The following SEMA3D variants were observed in gnomAD, a reference collection of about 807,000 sequenced individuals.
SEMA3D encodes the protein semaphorin 3D.
A neutral mutation model predicts 100.1 loss-of-function variants in SEMA3D; 84 were observed. That is an observed-to-expected ratio of 0.84 (90% CI 0.70 to 1.01). The LOEUF (loss-of-function observed/expected upper bound fraction) is 1.01. SEMA3D is among the 50% of genes least tolerant of loss of function. The pLI is 0.00. For missense variants in SEMA3D, 875 were observed against 934.1 expected (o/e 0.94, Z 0.82); for synonymous variants, 312 against 320.7 (o/e 0.97, Z 0.29).
intron 12 of SEMA3D, chr7:85,028,314 C>T (rs1404149956): frequency 3.0e-6 from 2 of 672,542 alleles, no homozygotes; most frequent in Non-Finnish European, 2.7e-6. Flanking sequence ...GATGCTGGAA[C>T]TATTGCTGGT....
intron 1 of SEMA3D, among the ~76,000 whole-genome samples, chr7:85,156,531 G>GA (rs1752527386): frequency 1.3e-5 from 2 of 152,086 alleles, no homozygotes; most frequent in Admixed American, 1.3e-4. Flanking sequence ...TCACATTTCA[G>GA]AAAAATAATA....
intron 2 of SEMA3D, among the ~76,000 whole-genome samples, chr7:85,136,584 T>C (rs1342557244): frequency 2.0e-5 from 3 of 152,146 alleles, no homozygotes; most frequent in Non-Finnish European, 4.4e-5. Context: ...AACAATTGAA[T>C]TATACAATTG....
chr7:85,179,214 T>G (rs1325537806), intron 1 of SEMA3D, among the ~76,000 whole-genome samples: 1 of 152,064 alleles, frequency 6.6e-6, no homozygotes, highest in Non-Finnish European at 1.5e-5. Context: ...GGGCACTGCA[T>G]AGTGGAGCTG....
chr7:85,053,196 A>G (rs921562423), intron 9 of SEMA3D, among the ~76,000 whole-genome samples: 41 of 152,122 alleles, frequency 2.7e-4, no homozygotes, highest in African/African-American at 9.1e-4. Context: ...AATAGAATAA[A>G]GGACTCTCAT....
At chr7:85,001,873 G>C (rs183655433) in intron 18 of SEMA3D, among the ~76,000 whole-genome samples, 81 of 152,224 alleles carry the variant, frequency 5.3e-4, no homozygotes, top group Admixed American at 1.4e-3. Flanking sequence ...GACAATCAAA[G>C]TGGATATCTC....
At chr7:85,231,282 C>T in the SEMA3D span, among the ~76,000 whole-genome samples, 2 of 152,186 alleles carry the variant, frequency 1.3e-5, no homozygotes, top group Admixed American at 1.3e-4. Flanking sequence ...AAATCAACAT[C>T]CACAATGACA....
chr7:85,048,513 T>C (rs1168203965), intron 9 of SEMA3D, among the ~76,000 whole-genome samples: 1 of 151,852 alleles, frequency 6.6e-6, no homozygotes, highest in Non-Finnish European at 1.5e-5. Context: ...TTGAACTATA[T>C]TACTATATTG....
intron 1 of SEMA3D, among the ~76,000 whole-genome samples, chr7:85,167,948 A>G (rs1790956505): frequency 6.6e-6 from 1 of 151,978 alleles, no homozygotes; most frequent in South Asian, 2.1e-4. Flanking sequence ...AATACTTTAG[A>G]TAAGTCTACC....
At chr7:85,036,848 G>C (rs374634612) in intron 12 of SEMA3D, 41 bp downstream of exon 12, 24 of 1,503,648 alleles carry the variant, frequency 1.6e-5, no homozygotes, top group Non-Finnish European at 2.1e-5. Context: ...AATTAAATAT[G>C]AGCTTAAGAA....
intron 4 of SEMA3D, among the ~76,000 whole-genome samples, chr7:85,096,011 G>A (rs888905854): frequency 1.3e-5 from 2 of 151,992 alleles, no homozygotes; most frequent in African/African-American, 4.8e-5. Flanking sequence ...CCTGAAGGCA[G>A]AGAACAGAAC....
At chr7:85,019,288 A>G (rs1424717142) in intron 14 of SEMA3D, among the ~76,000 whole-genome samples, 2 of 151,734 alleles carry the variant, frequency 1.3e-5, no homozygotes, top group African/African-American at 4.8e-5. Context: ...TGTGTGTTAT[A>G]GGCACTGTAT....
At chr7:85,190,152 C>G (rs1299489464), upstream of SEMA3D, among the ~76,000 whole-genome samples, 1 of 152,056 alleles carries the variant, frequency 6.6e-6, no homozygotes, top group African/African-American at 2.4e-5. Context: ...AATCCTAGTT[C>G]TCTCTGAACA....
intron 4 of SEMA3D, among the ~76,000 whole-genome samples, chr7:85,096,372 T>G (rs1361861822): frequency 6.6e-6 from 1 of 151,944 alleles, no homozygotes; most frequent in African/African-American, 2.4e-5. Flanking sequence ...CATAATCAAC[T>G]GCTTATTTTA....
At chr7:85,023,366 G>A (rs938873149) in intron 12 of SEMA3D, among the ~76,000 whole-genome samples, 1 of 151,620 alleles carries the variant, frequency 6.6e-6, no homozygotes, top group Non-Finnish European at 1.5e-5. Flanking sequence ...CTTATAATTA[G>A]ACTTTTTTTT....
chr7:85,161,242 A>G (rs896348059), intron 1 of SEMA3D, among the ~76,000 whole-genome samples: 4 of 152,144 alleles, frequency 2.6e-5, no homozygotes, highest in African/African-American at 9.7e-5. Context: ...TCCAGAAGGG[A>G]ACTAAATAAA....
chr7:85,179,531 C>T (rs1379655894), intron 1 of SEMA3D, among the ~76,000 whole-genome samples: 1 of 152,162 alleles, frequency 6.6e-6, no homozygotes, highest in Admixed American at 6.5e-5. Flanking sequence ...CCAATTTCCC[C>T]TTTTGGAATG....
At chr7:85,214,273 T>C in the SEMA3D span, among the ~76,000 whole-genome samples, 5 of 152,180 alleles carry the variant, frequency 3.3e-5, no homozygotes, top group African/African-American at 1.2e-4. Context: ...GACTTTTCTT[T>C]GGTACTAACA....
chr7:85,012,846 C>A lies in SEMA3D; in HGVS notation c.1704G>T (p.Arg568Ser), dbSNP rs748011911. The change falls in exon 17 of 19, where the codon AGG becomes AGT. Residue 568 changes from arginine to serine, a missense_variant and splice_region_variant. By Grantham distance (110) the Arg-to-Ser change is moderately radical. Coordinates refer to ENST00000284136, the MANE Select transcript of SEMA3D (RefSeq NM_001384900.1). ...ATTTTACATCTTGGCGTCTAGCTCT[C>A]CTGCGGAAAGGGGATTAAACTTATT... ...ACSRYAPTSKRRARRQDVKYG... is the reference protein window; with the variant it reads ...ACSRYAPTSKSRARRQDVKYG... The A allele has an allele frequency of 6.2e-7, 1 of 1,609,866 alleles. No individual in the cohort carries two copies. Among genetic ancestry groups the A allele is most frequent in the Non-Finnish European group, 8.5e-7 (1 of 1,177,102 alleles).
intron 3 of SEMA3D, among the ~76,000 whole-genome samples, chr7:85,101,365 C>T (rs545626001): frequency 6.6e-6 from 1 of 151,958 alleles, no homozygotes; most frequent in African/African-American, 2.4e-5. Context: ...TTATTTTGAA[C>T]CATGCATTGC....
Sources: allele counts gnomAD v4.1 joint callset (sites outside exome capture counted in the v4.1 genomes callset), GRCh38; gene constraint gnomAD v4.1.1; transcripts MANE v1.5; gene names NCBI Gene and HGNC (gene_info 2026-07-23, HGNC 2026-07-21).